KIF6: variants seen among roughly 807,000 people sequenced by gnomAD.
KIF6 encodes kinesin family member 6, also known as kinesin-like protein KIF6.
In KIF6, 106 loss-of-function variants were observed where a neutral mutation model predicts 112.7. The observed-to-expected ratio is 0.94, with a 90% CI of 0.80 to 1.11. The LOEUF is 1.11. Ranked by LOEUF, KIF6 falls within the 50% of genes least tolerant of loss-of-function variation. The pLI, the probability that KIF6 is intolerant of heterozygous loss-of-function variation, is 0.00. For synonymous variants in KIF6, 339 were observed against 339.9 expected (o/e 1.00, Z 0.03); for missense variants, 929 against 964.0 (o/e 0.96, Z 0.48).
chr6:39,360,345 G>A (rs755944748), intron 18 of KIF6, 50 bp downstream of exon 18: 2 of 1,606,914 alleles, frequency 1.2e-6, no homozygotes, highest in Non-Finnish European at 8.5e-7. Flanking sequence ...CCCCAGTGGG[G>A]CTGCATGACT....
intron 9 of KIF6, among the ~76,000 whole-genome samples, chr6:39,581,907 A>G (rs1308970975): frequency 6.6e-5 from 10 of 152,198 alleles, no homozygotes; most frequent in Admixed American, 6.5e-4. Context: ...GGTGAGTTTC[A>G]GATTATTTGG....
intron 16 of KIF6, among the ~76,000 whole-genome samples, chr6:39,381,642 G>A (rs999420670): frequency 3.3e-5 from 5 of 152,082 alleles, no homozygotes; most frequent in African/African-American, 9.7e-5. Flanking sequence ...TCTGAAATGC[G>A]GCCACCTGGG....
At chr6:39,605,007 C>T (rs747680514) in intron 6 of KIF6, among the ~76,000 whole-genome samples, 3 of 152,066 alleles carry the variant, frequency 2.0e-5, no homozygotes, top group African/African-American at 7.2e-5. Flanking sequence ...AAATCTAAGT[C>T]GGCTAAATTG....
At chr6:39,692,142 C>T (rs1254431335) in intron 3 of KIF6, among the ~76,000 whole-genome samples, 2 of 152,122 alleles carry the variant, frequency 1.3e-5, no homozygotes, top group African/African-American at 2.4e-5. Context: ...AGCGAGACTC[C>T]GTTTCAAAAC....
intron 7 of KIF6, among the ~76,000 whole-genome samples, chr6:39,591,459 A>G (rs1212759297): frequency 6.6e-6 from 1 of 152,230 alleles, no homozygotes; most frequent in African/African-American, 2.4e-5. Flanking sequence ...AAAATGTTTT[A>G]AAGATTAATA....
At chr6:39,349,485 T>C (rs1462035641) in intron 19 of KIF6, among the ~76,000 whole-genome samples, 1 of 150,448 alleles carries the variant, frequency 6.6e-6, no homozygotes, top group South Asian at 2.1e-4. Context: ...GGAATAGAGA[T>C]AGGCAGAGCT....
At chr6:39,346,126 C>CCTCCCCCTCTCTCTCTCTCTCTCTCT (rs1763762344) in intron 20 of KIF6, among the ~76,000 whole-genome samples, 1 of 23,846 alleles carries the variant, frequency 4.2e-5, no homozygotes, top group African/African-American at 1.6e-4. Context: ...CCTCTCCCTC[C>CCTCCCCCTCTCTCTCTCTCTCTCTCT]CTCTCCCTCT....
intron 6 of KIF6, among the ~76,000 whole-genome samples, chr6:39,604,338 T>C (rs1284580014): frequency 6.6e-6 from 1 of 152,180 alleles, no homozygotes; most frequent in Admixed American, 6.6e-5. Flanking sequence ...AAGCTTGCTA[T>C]GCCCTTGATG....
chr6:39,477,287 A>G (rs1774485248), intron 13 of KIF6, among the ~76,000 whole-genome samples: 2 of 152,190 alleles, frequency 1.3e-5, no homozygotes, highest in East Asian at 3.8e-4. Context: ...AAAAATCCCC[A>G]AACAGGGCAA....
chr6:39,653,857 G>A (rs1178377990), intron 3 of KIF6, among the ~76,000 whole-genome samples: 1 of 152,136 alleles, frequency 6.6e-6, no homozygotes, highest in East Asian at 1.9e-4. Flanking sequence ...CATAAAGCTG[G>A]GAATGTGGTC....
intron 10 of KIF6, among the ~76,000 whole-genome samples, chr6:39,565,764 A>C (rs1005194781): frequency 5.9e-5 from 9 of 152,260 alleles, no homozygotes; most frequent in African/African-American, 2.2e-4. Context: ...TGATATTCAC[A>C]ATTTCATAAA....
intron 5 of KIF6, among the ~76,000 whole-genome samples, chr6:39,616,187 G>C (rs1783508901): frequency 6.6e-6 from 1 of 152,208 alleles, no homozygotes; most frequent in South Asian, 2.1e-4. Context: ...AATGTCATCA[G>C]TGATATTTGG....
intron 3 of KIF6, among the ~76,000 whole-genome samples, chr6:39,652,535 AAAAAC>A (rs1561899855): frequency 1.3e-5 from 2 of 151,988 alleles, no homozygotes; most frequent in East Asian, 3.8e-4. Context: ...CTCAAAAAAA[AAAAAC>A]AAAACAAAAC....
intron 3 of KIF6, among the ~76,000 whole-genome samples, chr6:39,670,376 A>C (rs553185764): frequency 6.6e-6 from 1 of 152,248 alleles, no homozygotes; most frequent in Non-Finnish European, 1.5e-5. Context: ...ACTGTTGACT[A>C]GAAGCCTTAC....
chr6:39,677,955 C>A (rs1787266008), intron 3 of KIF6, among the ~76,000 whole-genome samples: 1 of 147,500 alleles, frequency 6.8e-6, no homozygotes, highest in Admixed American at 6.8e-5. Context: ...GGGTTGGTTC[C>A]AAGTCTTTGC....
At position 39,544,693 on chromosome 6, in the gene KIF6, T is replaced by C. The variant is rs1304646027; in HGVS notation, c.1288A>G (p.Lys430Glu). The part of the protein sequence containing the change: ...KVHHCFHHLK[K>E]LLNDKKILEN... ...AGGATCTTCTTGTCATTCAATAGTT[T>C]CTGTAAGATAAAATAAGAGCTTAGT... The change falls in exon 12 of 23, where the codon AAA (lysine) becomes GAA (glutamate). Residue 430 changes from lysine to glutamate, a missense_variant and splice_region_variant. Lys to Glu is a moderately conservative substitution (Grantham distance 56). This residue lies in a region of KIF6 where 688 missense variants were observed against 662.7 expected (regional missense o/e 1.04). Transcript: ENST00000287152. 1.3e-6 allele frequency: 2 copies of C among 1,581,548 alleles called. No homozygotes were observed. The highest frequency in any genetic ancestry group is 1.9e-5 in the Admixed American group (1 of 53,152).
intron 15 of KIF6, among the ~76,000 whole-genome samples, chr6:39,403,537 G>T (rs1768865739): frequency 6.6e-6 from 1 of 152,144 alleles, no homozygotes; most frequent in Admixed American, 6.5e-5. Context: ...GCACTCTATT[G>T]AAGTCTATCC....
intron 9 of KIF6, among the ~76,000 whole-genome samples, chr6:39,578,875 T>A (rs996661828): frequency 2.6e-5 from 4 of 152,242 alleles, no homozygotes; most frequent in African/African-American, 9.6e-5. Flanking sequence ...CTTGTTTTTG[T>A]CCTTCACATT....
At chr6:39,487,198 C>T (rs1029515234) in intron 13 of KIF6, among the ~76,000 whole-genome samples, 1 of 152,040 alleles carries the variant, frequency 6.6e-6, no homozygotes. Flanking sequence ...TAACTTAATT[C>T]AACTGAGGCT....
Sources: allele counts gnomAD v4.1 joint callset (sites outside exome capture counted in the v4.1 genomes callset), GRCh38; gene constraint gnomAD v4.1.1; regional missense constraint gnomAD v4.1.1; transcripts MANE v1.5; gene names NCBI Gene and HGNC (gene_info 2026-07-23, HGNC 2026-07-21).